Variants in PBX1 observed in about 807,000 individuals in gnomAD.
PBX1 encodes the protein PBX homeobox 1, also known as pre-B-cell leukemia transcription factor 1.
PBX1 carries 6 observed loss-of-function variants against 53.4 expected under a neutral mutation model. The ratio of observed to expected loss-of-function variants is 0.11; its 90% CI spans 0.06 to 0.22. The LOEUF is 0.22. Among genes scored for constraint, PBX1 ranks in the 10% least tolerant of loss-of-function variants. The probability of loss-of-function intolerance (pLI) is 1.00; values close to 1 mark genes in which losing one functional copy is unlikely to be tolerated. For synonymous variants in PBX1, 204 were observed against 212.3 expected (o/e 0.96, Z 0.34); for missense variants, 251 against 551.4 (o/e 0.46, Z 5.46).
At chr1:164,837,980 T>C (rs1425714542) in intron 8 of PBX1, among the ~76,000 whole-genome samples, 1 of 152,120 alleles carries the variant, frequency 6.6e-6, no homozygotes, top group Non-Finnish European at 1.5e-5. Context: ...ACAGATTCAT[T>C]AGAAAAGAAT....
chr1:164,795,126 A>G (rs972888424), intron 3 of PBX1, among the ~76,000 whole-genome samples: 45 of 152,234 alleles, frequency 3.0e-4, no homozygotes, highest in African/African-American at 1.0e-3. Context: ...TTGGGTACCC[A>G]GGACAGGTAT....
intron 2 of PBX1, among the ~76,000 whole-genome samples, chr1:164,744,464 T>C (rs1173939802): frequency 6.6e-6 from 1 of 152,218 alleles, no homozygotes; most frequent in Non-Finnish European, 1.5e-5. Context: ...CTCATGGTTA[T>C]ACCAACATTT....
chr1:164,594,372 GC>G (rs1158326597), intron 2 of PBX1, among the ~76,000 whole-genome samples: 6 of 152,112 alleles, frequency 3.9e-5, no homozygotes, highest in African/African-American at 1.2e-4. Context: ...TCGGCTCACT[GC>G]AACCTCTGCC....
At chr1:164,702,063 T>C (rs1056637217) in intron 2 of PBX1, among the ~76,000 whole-genome samples, 9 of 152,320 alleles carry the variant, frequency 5.9e-5, no homozygotes, top group African/African-American at 1.7e-4. Flanking sequence ...AAGGTGCACA[T>C]GAGTACACCT....
chr1:164,616,584 C>A (rs1657296681), intron 2 of PBX1, among the ~76,000 whole-genome samples: 1 of 152,044 alleles, frequency 6.6e-6, no homozygotes, highest in African/African-American at 2.4e-5. Flanking sequence ...GGACAAAAAC[C>A]TGACTGAGGC....
intron 2 of PBX1, among the ~76,000 whole-genome samples, chr1:164,710,528 T>C (rs529112418): frequency 1.2e-4 from 19 of 152,112 alleles, no homozygotes; most frequent in Admixed American, 1.1e-3. Context: ...TCTCCTGCCT[T>C]AGCCTCCCAA....
intron 8 of PBX1, among the ~76,000 whole-genome samples, chr1:164,825,683 G>A (rs1294261887): frequency 1.3e-5 from 2 of 152,158 alleles, no homozygotes; most frequent in Non-Finnish European, 2.9e-5. Flanking sequence ...AGCAGTAAGT[G>A]TGTGAATTTA....
chr1:164,834,754 GAA>G (rs1670950140), intron 8 of PBX1, among the ~76,000 whole-genome samples: 1 of 152,318 alleles, frequency 6.6e-6, no homozygotes, highest in South Asian at 2.1e-4. Flanking sequence ...CTTCTCTGGG[GAA>G]AAGAGTCTGA....
intron 4 of PBX1, among the ~76,000 whole-genome samples, chr1:164,800,319 C>A (rs1235296127): frequency 1.3e-5 from 2 of 152,172 alleles, no homozygotes; most frequent in African/African-American, 2.4e-5. Context: ...AGAGTGCACT[C>A]AATTCAACAA....
At chr1:164,635,510 C>T (rs921949071) in intron 2 of PBX1, among the ~76,000 whole-genome samples, 14 of 152,220 alleles carry the variant, frequency 9.2e-5, no homozygotes, top group South Asian at 2.1e-4. Flanking sequence ...AGGCGTTTGT[C>T]GGACAAAATC....
chr1:164,827,676 A>G (rs1670538048), intron 8 of PBX1, among the ~76,000 whole-genome samples: 1 of 152,230 alleles, frequency 6.6e-6, no homozygotes, highest in Admixed American at 6.5e-5. Flanking sequence ...ATGATTGAAG[A>G]AGCAAAAAAT....
intron 2 of PBX1, chr1:164,631,019 G>C (rs902628534): frequency 3.3e-5 from 5 of 152,220 alleles, no homozygotes; most frequent in African/African-American, 9.7e-5. Context: ...AGGAAGCCCT[G>C]GGGACCTCGC....
intron 1 of PBX1, among the ~76,000 whole-genome samples, chr1:164,562,591 A>G (rs1407577269): frequency 1.3e-5 from 2 of 152,176 alleles, no homozygotes; most frequent in African/African-American, 4.8e-5. Flanking sequence ...AACACCTGCA[A>G]ATAAGCAGTG....
chr1:164,830,665 CTCTT>C (rs1217616824), intron 8 of PBX1, among the ~76,000 whole-genome samples: 1 of 152,202 alleles, frequency 6.6e-6, no homozygotes, highest in Non-Finnish European at 1.5e-5. Context: ...TCATCTTGAA[CTCTT>C]TCTTTAAGTC....
chr1:164,578,966 C>G (rs549746159), intron 2 of PBX1, among the ~76,000 whole-genome samples: 3 of 152,136 alleles, frequency 2.0e-5, no homozygotes, highest in Admixed American at 6.5e-5. Flanking sequence ...CCTCCCCGCC[C>G]CCATTGCTAT....
chr1:164,562,574 GA>G (rs1398824007), intron 1 of PBX1, among the ~76,000 whole-genome samples: 2 of 151,792 alleles, frequency 1.3e-5, no homozygotes, highest in Admixed American at 1.3e-4. Flanking sequence ...GTAAATAATT[GA>G]ATTTCAACAC....
intron 2 of PBX1, among the ~76,000 whole-genome samples, chr1:164,686,293 T>C (rs147817454): frequency 6.6e-6 from 1 of 152,334 alleles, no homozygotes; most frequent in Non-Finnish European, 1.5e-5. Context: ...GACTAAACTG[T>C]TCACCCATTT....
At chr1:164,859,106 G>A (rs1444212979) in intron 2 of PBX1, among the ~76,000 whole-genome samples, 1 of 152,212 alleles carries the variant, frequency 6.6e-6, no homozygotes, top group East Asian at 1.9e-4. Flanking sequence ...TGGCTGAATG[G>A]AAATCAAGAA....
chr1:164,883,638 A>G (rs1208304897), intron 2 of PBX1, among the ~76,000 whole-genome samples: 1 of 152,086 alleles, frequency 6.6e-6, no homozygotes, highest in Admixed American at 6.6e-5. Flanking sequence ...AGAAATTAGA[A>G]GCACTAGCTG....
Sources: gnomAD v4.1 joint callset for allele counts (sites outside exome capture counted in the v4.1 genomes callset) on GRCh38, gnomAD v4.1.1 for gene constraint, MANE v1.5 for transcripts, NCBI Gene and HGNC (gene_info 2026-07-23, HGNC 2026-07-21) for gene names.